Variants in CNTNAP5 observed in about 807,000 individuals in gnomAD.
CNTNAP5 encodes the protein contactin associated protein family member 5, also known as contactin-associated protein-like 5.
A neutral mutation model predicts 150.2 loss-of-function variants in CNTNAP5; 72 were observed. The observed-to-expected ratio is 0.48, with a 90% CI of 0.40 to 0.58. The LOEUF (loss-of-function observed/expected upper bound fraction) is 0.58. Among genes scored for constraint, CNTNAP5 ranks in the 20% least tolerant of loss-of-function variants. CNTNAP5 has a pLI of 0.00. For synonymous variants in CNTNAP5, 672 were observed against 619.8 expected (o/e 1.08, Z -1.25); for missense variants, 1,636 against 1,626.2 (o/e 1.01, Z -0.10).
intron 12 of CNTNAP5, among the ~76,000 whole-genome samples, chr2:124,611,010 T>C (rs549011488): frequency 7.0e-6 from 1 of 142,046 alleles, no homozygotes; most frequent in South Asian, 2.5e-4. Flanking sequence ...GCATCATTAA[T>C]TGGCACACGC....
intron 3 of CNTNAP5, among the ~76,000 whole-genome samples, chr2:124,249,450 A>G (rs890326585): frequency 6.6e-6 from 1 of 152,150 alleles, no homozygotes; most frequent in Non-Finnish European, 1.5e-5. Flanking sequence ...TCCTCTGCAC[A>G]ACTTGGTCTC....
At chr2:124,071,585 A>G (rs1682305746) in intron 1 of CNTNAP5, among the ~76,000 whole-genome samples, 1 of 151,984 alleles carries the variant, frequency 6.6e-6, no homozygotes, top group African/African-American at 2.4e-5. Flanking sequence ...GAGTGACTAT[A>G]CATCAATAAA....
chr2:124,527,536 A>G, intron 10 of CNTNAP5, 80 bp downstream of exon 10: 2 of 1,172,090 alleles, frequency 1.7e-6, no homozygotes, highest in Non-Finnish European at 2.4e-6. Flanking sequence ...TTTAAGCAAA[A>G]TTCTAATCCA....
intron 13 of CNTNAP5, among the ~76,000 whole-genome samples, chr2:124,725,881 A>G (rs1680148034): frequency 6.6e-6 from 1 of 152,018 alleles, no homozygotes; most frequent in Non-Finnish European, 1.5e-5. Flanking sequence ...GTCATTGGAA[A>G]TGGCAAGAAT....
At chr2:124,101,341 TCAAGCCCAGTCTGATTTCAG>T (rs1488780855) in intron 1 of CNTNAP5, among the ~76,000 whole-genome samples, 1 of 152,154 alleles carries the variant, frequency 6.6e-6, no homozygotes, top group African/African-American at 2.4e-5. Flanking sequence ...GACCTCAGAC[TCAAGCCCAGTCTGATTTCAG>T]ATCCCACGCT....
chr2:124,674,528 T>C (rs190283973), intron 13 of CNTNAP5, among the ~76,000 whole-genome samples: 1,500 of 138,122 alleles, frequency 0.011, 36 homozygotes, highest in African/African-American at 0.04. Context: ...TCTTTCTTTC[T>C]TTCTTTCTTT....
intron 3 of CNTNAP5, among the ~76,000 whole-genome samples, chr2:124,362,288 G>T (rs932517311): frequency 1.3e-5 from 2 of 152,204 alleles, no homozygotes; most frequent in Admixed American, 1.3e-4. Context: ...CTCACGCTGG[G>T]AGCTGTAGAC....
intron 2 of CNTNAP5, among the ~76,000 whole-genome samples, chr2:124,227,936 G>T (rs894920631): frequency 6.6e-6 from 1 of 150,898 alleles, no homozygotes; most frequent in Non-Finnish European, 1.5e-5. Context: ...ATATATACAC[G>T]CACACACACA....
intron 13 of CNTNAP5, among the ~76,000 whole-genome samples, chr2:124,649,852 T>C (rs1162830981): frequency 6.6e-6 from 1 of 152,214 alleles, no homozygotes; most frequent in Non-Finnish European, 1.5e-5. Context: ...AATACTGGTG[T>C]CCTTATTCGT....
At chr2:124,102,039 T>C (rs1176217518) in intron 1 of CNTNAP5, among the ~76,000 whole-genome samples, 1 of 152,134 alleles carries the variant, frequency 6.6e-6, no homozygotes, top group Non-Finnish European at 1.5e-5. Context: ...ACACATCTTC[T>C]AGGAACCATT....
intron 1 of CNTNAP5, among the ~76,000 whole-genome samples, chr2:124,137,470 A>G (rs912999828): frequency 7.2e-5 from 11 of 152,184 alleles, no homozygotes; most frequent in African/African-American, 2.7e-4. Context: ...AAAATAAACT[A>G]TGAGCCCATT....
intron 3 of CNTNAP5, among the ~76,000 whole-genome samples, chr2:124,278,732 A>G (rs1238246080): frequency 6.6e-6 from 1 of 152,156 alleles, no homozygotes; most frequent in Non-Finnish European, 1.5e-5. Flanking sequence ...ATGCATACAT[A>G]TTGAGTTACA....
intron 3 of CNTNAP5, among the ~76,000 whole-genome samples, chr2:124,315,685 G>A (rs1030505828): frequency 2.0e-5 from 3 of 151,980 alleles, no homozygotes; most frequent in Non-Finnish European, 4.4e-5. Flanking sequence ...CCTGACAGGT[G>A]GCTCTGAGAA....
At chr2:124,171,770 C>A (rs557028121) in intron 1 of CNTNAP5, among the ~76,000 whole-genome samples, 1 of 152,212 alleles carries the variant, frequency 6.6e-6, no homozygotes, top group South Asian at 2.1e-4. Flanking sequence ...GGAAAATGGT[C>A]CAGAAAGGAT....
chr2:124,235,731 C>G (rs926863154), intron 2 of CNTNAP5, among the ~76,000 whole-genome samples: 1 of 152,142 alleles, frequency 6.6e-6, no homozygotes, highest in Non-Finnish European at 1.5e-5. Context: ...GAATCACTCT[C>G]CCTAGACATT....
At chr2:124,578,698 A>T (rs1363671150) in intron 11 of CNTNAP5, among the ~76,000 whole-genome samples, 1 of 152,054 alleles carries the variant, frequency 6.6e-6, no homozygotes, top group Non-Finnish European at 1.5e-5. Flanking sequence ...ATTTGAGCCC[A>T]GGATGTTGAG....
intron 3 of CNTNAP5, among the ~76,000 whole-genome samples, chr2:124,373,822 G>T (rs770975764): frequency 3.3e-5 from 5 of 151,960 alleles, no homozygotes; most frequent in Non-Finnish European, 7.4e-5. Context: ...TTGAAGAAAA[G>T]ACCTGATAAC....
At chr2:124,791,586 C>T (rs1258835491) in intron 18 of CNTNAP5, among the ~76,000 whole-genome samples, 1 of 152,024 alleles carries the variant, frequency 6.6e-6, no homozygotes, top group Non-Finnish European at 1.5e-5. Context: ...GCATCTCTAA[C>T]CAAGTCTTTT....
At chr2:124,398,509 T>TTTATTTATTTA (rs1553464686) in intron 3 of CNTNAP5, among the ~76,000 whole-genome samples, 1 of 149,780 alleles carries the variant, frequency 6.7e-6, no homozygotes, top group Non-Finnish European at 1.5e-5. Context: ...TATTTATTTA[T>TTTATTTATTTA]TTTTGAGATG....
Sources: gnomAD v4.1 joint callset for allele counts (sites outside exome capture counted in the v4.1 genomes callset) on GRCh38, gnomAD v4.1.1 for gene constraint, MANE v1.5 for transcripts, NCBI Gene and HGNC (gene_info 2026-07-23, HGNC 2026-07-21) for gene names.